The following TMEM131 variants were observed in gnomAD, a reference collection of about 807,000 sequenced individuals.
TMEM131 encodes 2610524E03Rik.
Under a neutral mutation model 211.6 loss-of-function variants are expected in TMEM131, and 66 were observed. The ratio of observed to expected loss-of-function variants is 0.31; its 90% CI spans 0.26 to 0.38. The LOEUF (loss-of-function observed/expected upper bound fraction) is 0.38, where lower values mean the gene tolerates loss of function less well. Among genes scored for constraint, TMEM131 ranks in the 10% least tolerant of loss-of-function variants. The pLI is 1.00. For missense variants in TMEM131, 2,036 were observed against 2,299.3 expected, an observed-to-expected ratio of 0.89 and a Z score of 2.34; for synonymous variants, 844 against 841.3, an observed-to-expected ratio of 1.00 and a Z score of -0.06.
At chr2:97,880,521 T>C (rs1322612495) in intron 4 of TMEM131, among the ~76,000 whole-genome samples, 2 of 152,134 alleles carry the variant, frequency 1.3e-5, no homozygotes, top group African/African-American at 2.4e-5. Context: ...GAAAAATTCA[T>C]AGGATTCCTT....
chr2:97,941,327 G>C (rs1227143155), intron 1 of TMEM131, among the ~76,000 whole-genome samples: 1 of 152,076 alleles, frequency 6.6e-6, no homozygotes, highest in African/African-American at 2.4e-5. Flanking sequence ...ATTAATTCAA[G>C]ATGGATTAAA....
chr2:97,797,404 G>A lies in TMEM131; in HGVS notation c.2831C>T (p.Pro944Leu). Residue 944 changes from proline to leucine, a missense_variant, in exon 26 of 41, where the codon CCA (proline) becomes CTA (leucine). Around this residue, in one of 3 missense-constraint regions of TMEM131, gnomAD observed 1,623 missense variants for 1,805.9 expected, o/e 0.90. Coordinates refer to ENST00000186436, the MANE Select transcript of TMEM131 (RefSeq NM_015348.2). ...TGAAGAAACAGTTCTGTTGTGAACT[G>A]GAGTAAACTTTACTTTGACAGATTT... ...EKKSVKVKFT[P>L]VHNRTVSSLI... 6.2e-7 allele frequency: 1 copy of A among 1,612,094 alleles called. No individual in the cohort carries two copies. Among genetic ancestry groups the A allele is most frequent in the Non-Finnish European group, 8.5e-7 (1 of 1,179,582 alleles).
At chr2:97,855,765 T>C (rs998641905) in intron 5 of TMEM131, among the ~76,000 whole-genome samples, 1 of 152,154 alleles carries the variant, frequency 6.6e-6, no homozygotes, top group Non-Finnish European at 1.5e-5. Context: ...TAGCATGTCA[T>C]GTATATTATT....
intron 1 of TMEM131, among the ~76,000 whole-genome samples, chr2:97,946,017 A>T (rs924905466): frequency 9.2e-5 from 14 of 152,134 alleles, no homozygotes; most frequent in African/African-American, 3.4e-4. Context: ...TAGCCATCTT[A>T]AAACACTCAG....
rs1559450353 is a variant in TMEM131 at position 97,923,627 on chromosome 2, T to TAAAA, written c.249+3798_249+3799insTTTT. ...ACAGAGCAAGACACTGTCTTTTTTT[T>TAAAA]TAAAAAAAAAAAAAAAAAAAAAAAA... On this transcript the variant is annotated intron_variant, in intron 2 of 40. Coordinates refer to ENST00000186436, the MANE Select transcript of TMEM131 (RefSeq NM_015348.2). Among the ~76,000 whole-genome samples, 540 of 99,528 alleles carry TAAAA rather than the reference T, an allele frequency of 5.4e-3. 6 individuals are homozygous for TAAAA. The highest frequency in any genetic ancestry group is 0.044 in the East Asian group (157 of 3,546). 65.3% of individuals were successfully genotyped at this position (99,528 alleles called of 152,430 possible). A position where few individuals can be genotyped will look rare whatever the true frequency, so the allele number is the denominator to read the frequency against.
chr2:97,847,869 T>A (rs1683523225), intron 5 of TMEM131, among the ~76,000 whole-genome samples: 1 of 152,204 alleles, frequency 6.6e-6, no homozygotes, highest in African/African-American at 2.4e-5. Context: ...CTGTACATCT[T>A]TAAAGTTAAT....
chr2:97,985,839 G>C (rs112660734), intron 1 of TMEM131, among the ~76,000 whole-genome samples: 1 of 151,828 alleles, frequency 6.6e-6, no homozygotes, highest in African/African-American at 2.4e-5. Context: ...TGATGCCAAC[G>C]GACTGAAGAA....
rs77030750 is a variant in TMEM131 at position 97,856,837 on chromosome 2, A to T, written c.483+2467T>A. ...GGAAAAAAAGATGCAAAGCAAGAAGAAGAAAAAAGGATAAGAGGAGAGAGT... is the reference window on the plus strand; with the variant it reads ...GGAAAAAAAGATGCAAAGCAAGAAGTAGAAAAAAGGATAAGAGGAGAGAGT... On this transcript the variant is annotated intron_variant, in intron 5 of 40. Transcript: ENST00000186436. Among the ~76,000 whole-genome samples the T allele has an allele frequency of 5.1e-4, 78 of 152,310 alleles. 1 individual carries two copies. The highest frequency in any genetic ancestry group is 1.8e-3 in the African/African-American group (74 of 41,574).
intron 32 of TMEM131, among the ~76,000 whole-genome samples, chr2:97,774,134 C>A (rs985474375): frequency 6.6e-6 from 1 of 152,260 alleles, no homozygotes; most frequent in Non-Finnish European, 1.5e-5. Context: ...AGGGCTAAAA[C>A]ATCTCCCTGG....
At chr2:97,903,585 T>G (rs60567628) in intron 3 of TMEM131, among the ~76,000 whole-genome samples, 3,347 of 152,274 alleles carry the variant, frequency 0.022, 132 homozygotes, top group African/African-American at 0.076. Flanking sequence ...CCTGATAGGA[T>G]GCATTGGGAG....
intron 31 of TMEM131, among the ~76,000 whole-genome samples, chr2:97,786,786 C>A (rs1035229756): frequency 3.3e-5 from 5 of 152,086 alleles, no homozygotes; most frequent in African/African-American, 1.2e-4. Flanking sequence ...GACGGGGGGC[C>A]GACAGAAAGG....
chr2:97,838,933 G>T (rs979711479), intron 7 of TMEM131, among the ~76,000 whole-genome samples: 7 of 152,114 alleles, frequency 4.6e-5, no homozygotes, highest in African/African-American at 1.7e-4. Context: ...TAAATGATAG[G>T]ATGACTATAG....
At chr2:97,876,340 TC>T (rs1326214519) in intron 4 of TMEM131, among the ~76,000 whole-genome samples, 1 of 152,182 alleles carries the variant, frequency 6.6e-6, no homozygotes, top group African/African-American at 2.4e-5. Flanking sequence ...GAGGGAATCC[TC>T]CCTAACTCAT....
intron 1 of TMEM131, among the ~76,000 whole-genome samples, chr2:97,939,748 G>C (rs1013698685): frequency 6.6e-6 from 1 of 152,168 alleles, no homozygotes; most frequent in African/African-American, 2.4e-5. Flanking sequence ...CAATATCCCT[G>C]ATGAACATCG....
At chr2:97,908,465 C>A (rs1281735831) in intron 3 of TMEM131, among the ~76,000 whole-genome samples, 193 bp downstream of exon 3, 1 of 152,154 alleles carries the variant, frequency 6.6e-6, no homozygotes, top group East Asian at 1.9e-4. Context: ...GCATGCTACA[C>A]AATTGCATGA....
chr2:97,957,203 G>A (rs937514222), intron 1 of TMEM131, among the ~76,000 whole-genome samples: 1 of 151,740 alleles, frequency 6.6e-6, no homozygotes, highest in Non-Finnish European at 1.5e-5. Flanking sequence ...GAAAAAAATT[G>A]AAAGACACCA....
intron 1 of TMEM131, among the ~76,000 whole-genome samples, chr2:97,933,832 T>C (rs983962462): frequency 1.2e-4 from 19 of 152,076 alleles, no homozygotes; most frequent in East Asian, 1.9e-4. Flanking sequence ...GAAAAAGTAT[T>C]TGACAAAACC....
chr2:97,769,352 G>T (rs570726669), intron 33 of TMEM131, among the ~76,000 whole-genome samples: 1 of 152,134 alleles, frequency 6.6e-6, no homozygotes, highest in South Asian at 2.1e-4. Context: ...AATATTCTGA[G>T]ATTTCGTATT....
At chr2:97,849,779 C>T (rs1384579952) in intron 5 of TMEM131, among the ~76,000 whole-genome samples, 1 of 130,420 alleles carries the variant, frequency 7.7e-6, no homozygotes, top group Non-Finnish European at 1.6e-5. Context: ...CGGATTCACT[C>T]AAGCATATTT....
Sources: allele counts gnomAD v4.1 joint callset (sites outside exome capture counted in the v4.1 genomes callset), GRCh38; gene constraint gnomAD v4.1.1; regional missense constraint gnomAD v4.1.1; transcripts MANE v1.5; gene names NCBI Gene and HGNC (gene_info 2026-07-23, HGNC 2026-07-21).